LDB1: variants seen among roughly 807,000 people sequenced by gnomAD.
LDB1 encodes the protein LIM domain-binding protein 1.
LDB1 carries 6 observed loss-of-function variants against 49.7 expected under a neutral mutation model. The ratio of observed to expected loss-of-function variants is 0.12; its 90% CI spans 0.07 to 0.24. The LOEUF is 0.24. Ranked by LOEUF, LDB1 falls within the 10% of genes least tolerant of loss-of-function variation. LDB1 has a pLI of 1.00. For synonymous variants in LDB1, 233 were observed against 202.0 expected (o/e 1.15, Z -1.30); for missense variants, 341 against 561.7 (o/e 0.61, Z 3.97).
At position 102,109,771 on chromosome 10, in the gene LDB1, TGA is replaced by T. The variant is rs753996907; in HGVS notation, c.649-90_649-89del. 5.8e-6 allele frequency: 9 copies of T among 1,543,012 alleles called. No individual in the cohort carries two copies. In the East Asian group the frequency reaches 9.0e-5, roughly 15 times the overall value. On this transcript the variant is annotated intron_variant, in intron 7 of 10. Transcript: ENST00000673968. The surrounding 1 kb of genome is among the most constrained non-coding windows in gnomAD (Gnocchi z 5.8). The stretch of plus-strand genomic sequence containing the variant: ...TATCATCTGAGCATTGTGACACTCC[TGA>T]GAGAGGATAGTCTCTTATTAAACCT...
Position 102,107,294 on chromosome 10 carries a change from A to C in LDB1, c.*799T>G, listed in dbSNP as rs2068177217. On this transcript the variant is annotated 3_prime_UTR_variant, in exon 11 of 11. Coordinates refer to ENST00000673968, the MANE Select transcript of LDB1 (RefSeq NM_001113407.3). ...GCCAGAGTCCAGAGAATGGGGACAC[A>C]GAGACAACAGCAGGGGTCTGTCACC... 6.6e-6 allele frequency among the ~76,000 whole-genome samples: 1 copy of C among 152,132 alleles called. No homozygotes were observed. Among genetic ancestry groups the C allele is most frequent in the Non-Finnish European group, 1.5e-5 (1 of 68,016 alleles).
chr10:102,119,752 G>T (rs2068388498), intron 1 of LDB1, among the ~76,000 whole-genome samples: 1 of 148,736 alleles, frequency 6.7e-6, no homozygotes, highest in African/African-American at 2.5e-5. Context: ...CCTGAGGGGG[G>T]GGGTCAAAAG....
At chr10:102,105,799 TAAAA>T (rs1158468815), downstream of LDB1, among the ~76,000 whole-genome samples, 1 of 100,944 alleles carries the variant, frequency 9.9e-6, no homozygotes, top group African/African-American at 3.7e-5. Flanking sequence ...CTATCTCTAC[TAAAA>T]AAAAAAAAAA....
intron 1 of LDB1, chr10:102,114,640 CGGGGGCCGGGGGCCA>C (rs1425507896): frequency 3.2e-6 from 3 of 948,968 alleles, no homozygotes; most frequent in East Asian, 2.5e-4. Flanking sequence ...GCCACTGGGC[CGGGGGCCGGGGGCCA>C]GGGGGCCGGC....
At chr10:102,111,349 T>C (rs370955387) in intron 2 of LDB1, 49 bp from the exon 3 acceptor site, 49 of 1,606,264 alleles carry the variant, frequency 3.1e-5, no homozygotes, top group Admixed American at 2.2e-4. Context: ...ATAGGAATTA[T>C]TGGGGGCAGG....
Position 102,108,332 on chromosome 10 carries a change from G to A in LDB1, c.1006-9C>T, listed in dbSNP as rs777516612. Reference sequence around the variant, plus strand: ...CCCACCACCATCACATCCTGAGAGTGGCGGAGGTCCCCAAACATAATCGGG... The same window carrying A: ...CCCACCACCATCACATCCTGAGAGTAGCGGAGGTCCCCAAACATAATCGGG... On this transcript the variant is annotated splice_polypyrimidine_tract_variant and intron_variant, in intron 10 of 10. Transcript: ENST00000673968. 4 of 1,609,222 alleles carry A rather than the reference G, an allele frequency of 2.5e-6. No individual in the cohort carries two copies. The highest frequency in any genetic ancestry group is 1.3e-5 in the African/African-American group (1 of 74,762).
chr10:102,114,751 C>G, intron 1 of LDB1: 1 of 796,772 alleles, frequency 1.3e-6, no homozygotes, highest in African/African-American at 1.9e-5. Context: ...TCTTTCCTCT[C>G]TCCTCCTCCT....
At chr10:102,110,260 C>T in intron 6 of LDB1, 1 of 630,336 alleles carries the variant, frequency 1.6e-6, no homozygotes, top group Non-Finnish European at 2.7e-6. Context: ...AGATCCTTGT[C>T]CTCTCCCCAT....
In LDB1 at chr10:102,111,316, G is replaced by A. The variant is rs2068249521; in HGVS notation, c.129-16C>T. ...GGGAGTTGGGCTGTGTAAAGGAAGA[G>A]GCTATGAGAATGGGGGTTGAAGATA... On this transcript the variant is annotated splice_polypyrimidine_tract_variant and intron_variant, in intron 2 of 10. Transcript: ENST00000673968. 3 of 1,613,832 alleles carry A rather than the reference G, an allele frequency of 1.9e-6. No homozygotes were observed. Among genetic ancestry groups the A allele is most frequent in the Non-Finnish European group, 2.5e-6 (3 of 1,179,706 alleles).
At chr10:102,120,784 G>C (rs2133542997), upstream of LDB1, among the ~76,000 whole-genome samples, 1 of 152,270 alleles carries the variant, frequency 6.6e-6, no homozygotes, top group South Asian at 2.1e-4. Context: ...GGGGAGTCTG[G>C]CTGAGCCGGA....
Position 102,107,165 on chromosome 10 carries a change from C to A in LDB1, c.*928G>T, listed in dbSNP as rs991806685. Among the ~76,000 whole-genome samples, 2 of 152,124 alleles carry A rather than the reference C, an allele frequency of 1.3e-5. No individual in the cohort carries two copies. Among genetic ancestry groups the A allele is most frequent in the South Asian group, 4.1e-4 (2 of 4,830 alleles). ...CGCTCCCTAAGGGAAGGAGCCTCCC[C>A]TCCCCGCATCCTAGACAGCTGCTCT... On this transcript the variant is annotated 3_prime_UTR_variant, in exon 11 of 11. Coordinates refer to ENST00000673968, the MANE Select transcript of LDB1 (RefSeq NM_001113407.3).
chr10:102,108,630 G>A (rs1273990234), intron 10 of LDB1, among the ~76,000 whole-genome samples: 2 of 152,160 alleles, frequency 1.3e-5, no homozygotes, highest in Non-Finnish European at 2.9e-5. Context: ...CCACATGTAA[G>A]AAAGGGAGCA....
chr10:102,110,753 G>C, intron 5 of LDB1, 52 bp from the exon 6 acceptor site: 1 of 1,590,484 alleles, frequency 6.3e-7, no homozygotes. Context: ...AAAGGGGCCA[G>C]GCAGATGCCT....
chr10:102,109,004 G>A lies in LDB1; in HGVS notation c.1005+25C>T, dbSNP rs1423020654. On this transcript the variant is annotated intron_variant, in intron 10 of 10. Coordinates refer to ENST00000673968, the MANE Select transcript of LDB1 (RefSeq NM_001113407.3). The surrounding 1 kb of genome is among the most constrained non-coding windows in gnomAD (Gnocchi z 5.8). ...GGGTGAGTGGTGGGGCAGCCCAGAA[G>A]AGAGAAGAAAGCCGAGATGCTTACA... 1.1e-5 allele frequency: 18 copies of A among 1,614,104 alleles called. No individual in the cohort carries two copies. Among genetic ancestry groups the A allele is most frequent in the African/African-American group, 2.7e-5 (2 of 74,950 alleles).
At chr10:102,103,525 A>G (rs1472859318), downstream of LDB1, among the ~76,000 whole-genome samples, 1 of 152,014 alleles carries the variant, frequency 6.6e-6, no homozygotes, top group African/African-American at 2.4e-5. Context: ...TTTAGAGATG[A>G]GGTCTCGGTT....
rs748310091 is a variant in LDB1, at chr10:102,117,137, C to CTCTG, written c.25+2945_25+2948dup. 1.2e-4 allele frequency among the ~76,000 whole-genome samples: 18 copies of CTCTG among 152,190 alleles called. No individual in the cohort carries two copies. Among genetic ancestry groups the CTCTG allele is most frequent in the Non-Finnish European group, 2.1e-4 (14 of 68,030 alleles). On this transcript the variant is annotated intron_variant, in intron 1 of 10. Transcript: ENST00000673968. This position sits in a 1 kb window ranked among gnomAD's most constrained non-coding sequence, Gnocchi z 4.2. ...GTCCTCATGGGGAGGGGGAAATGTG[C>CTCTG]TCTGGCTTTTGCCTCCAGCCCAGAG...
intron 6 of LDB1, 38 bp from the exon 7 acceptor site, chr10:102,110,081 C>T (rs2068229221): frequency 6.3e-7 from 1 of 1,594,508 alleles, no homozygotes; most frequent in South Asian, 1.1e-5. Context: ...CCCCTCCCCA[C>T]ATACCATACC....
In LDB1 at chr10:102,107,461, C is replaced by A. The variant is rs540322292; in HGVS notation, c.*632G>T. 6.5e-6 allele frequency: 1 copy of A among 153,472 alleles called. No homozygotes were observed. The highest frequency in any genetic ancestry group is 1.5e-5 in the Non-Finnish European group (1 of 68,944). The allele number at this position is 153,472 out of a possible 1,614,324, so 9.5% of individuals were successfully genotyped here. A position where few individuals can be genotyped will look rare whatever the true frequency, so the allele number is the denominator to read the frequency against. On this transcript the variant is annotated 3_prime_UTR_variant, in exon 11 of 11. Coordinates refer to ENST00000673968, the MANE Select transcript of LDB1 (RefSeq NM_001113407.3). Reference sequence around the variant, plus strand: ...TATAAAATGGTATGCACACCTCCCTCCCCCACTCTCACCCCCACCTAGGCC... The same window carrying A: ...TATAAAATGGTATGCACACCTCCCTACCCCACTCTCACCCCCACCTAGGCC...
In LDB1 at chr10:102,108,877, C is replaced by G. The variant is rs1564911197; in HGVS notation, c.1005+152G>C. On this transcript the variant is annotated intron_variant, in intron 10 of 10. Transcript: ENST00000673968. ...CCCATGCAAGTGCCTGACAAGAACT[C>G]TCTCACCAGTAAAAGCAGTTAGCCC... The G allele has an allele frequency of 4.0e-6, 4 of 1,010,032 alleles. No homozygotes were observed. The East Asian group carries it at 7.4e-5, about 19-fold the overall frequency. 62.6% of individuals were successfully genotyped at this position (1,010,032 alleles called of 1,614,324 possible).
Sources: gnomAD v4.1 joint callset for allele counts (sites outside exome capture counted in the v4.1 genomes callset) on GRCh38, gnomAD v4.1.1 for gene constraint, Gnocchi (gnomAD v3.1) non-coding constraint, MANE v1.5 for transcripts, NCBI Gene and HGNC (gene_info 2026-07-23, HGNC 2026-07-21) for gene names.